SFXN5: variants seen among roughly 807,000 people sequenced by gnomAD.
SFXN5 encodes sideroflexin-5.
SFXN5 carries 43 observed loss-of-function variants against 50.2 expected under a neutral mutation model. The observed-to-expected ratio is 0.86, with a 90% confidence interval of 0.67 to 1.11. The LOEUF (loss-of-function observed/expected upper bound fraction) is 1.11. Among genes scored for constraint, SFXN5 ranks in the 50% least tolerant of loss-of-function variants. The pLI, the probability that SFXN5 is intolerant of heterozygous loss-of-function variation, is 0.00. For missense variants in SFXN5, 463 were observed against 454.1 expected, an observed-to-expected ratio of 1.02 and a Z score of -0.18; for synonymous variants, 203 against 185.8, an observed-to-expected ratio of 1.09 and a Z score of -0.75.
intron 12 of SFXN5, among the ~76,000 whole-genome samples, chr2:72,964,380 G>A (rs1338293365): frequency 6.6e-6 from 1 of 152,236 alleles, no homozygotes; most frequent in Non-Finnish European, 1.5e-5. Context: ...TATAGGGTGC[G>A]TGGCACGGAC....
rs777212902 is a variant in SFXN5, at chr2:72,992,595, C to T, written c.535-4247G>A. Among the ~76,000 whole-genome samples, 5 of 152,238 alleles carry T rather than the reference C, an allele frequency of 3.3e-5. No individual in the cohort carries two copies. Among genetic ancestry groups the T allele is most frequent in the Non-Finnish European group, 5.9e-5 (4 of 68,050 alleles). Reference sequence around the variant, plus strand: ...GCTTCTCATGCCAGAGACCTCACAGCGTTCTGGGCAGGAGCCTCCTGGGGC... The same window carrying T: ...GCTTCTCATGCCAGAGACCTCACAGTGTTCTGGGCAGGAGCCTCCTGGGGC... On this transcript the variant is annotated intron_variant, in intron 9 of 13. Coordinates refer to ENST00000272433, the MANE Select transcript of SFXN5 (RefSeq NM_144579.3). The surrounding 1 kb of genome is among the most constrained non-coding windows in gnomAD (Gnocchi z 4.5).
intron 6 of SFXN5, among the ~76,000 whole-genome samples, chr2:73,002,780 C>A (rs1192532483): frequency 1.3e-5 from 2 of 152,106 alleles, no homozygotes; most frequent in Non-Finnish European, 2.9e-5. Flanking sequence ...TGAGATTTTT[C>A]CCCCAGAATG....
chr2:73,027,161 G>A (rs1034646059), intron 3 of SFXN5, among the ~76,000 whole-genome samples: 5 of 152,284 alleles, frequency 3.3e-5, no homozygotes, highest in East Asian at 1.9e-4. Context: ...TGACAGTCCC[G>A]GCGTGTTACT....
chr2:73,061,776 A>C (rs1682825253), intron 1 of SFXN5, among the ~76,000 whole-genome samples: 1 of 152,184 alleles, frequency 6.6e-6, no homozygotes, highest in East Asian at 1.9e-4. Flanking sequence ...AATCAATATT[A>C]TACCTAATAT....
Position 72,960,349 on chromosome 2 carries a change from T to G in SFXN5, c.945+782A>C, listed in dbSNP as rs1193654470. On this transcript the variant is annotated intron_variant, in intron 13 of 13. Coordinates refer to ENST00000272433, the MANE Select transcript of SFXN5 (RefSeq NM_144579.3). This position sits in a 1 kb window ranked among gnomAD's most constrained non-coding sequence, Gnocchi z 6.1. ...AGAAAGCCAGTGCACATCCTCTGGC[T>G]CCCGTTCCCTCCCACCACATACAGC... Among the ~76,000 whole-genome samples the G allele has an allele frequency of 6.6e-6, 1 of 152,070 alleles. No homozygotes were observed. Among genetic ancestry groups the G allele is most frequent in the Non-Finnish European group, 1.5e-5 (1 of 68,038 alleles).
At chr2:73,002,013 T>C (rs1200986831) in intron 6 of SFXN5, among the ~76,000 whole-genome samples, 1 of 152,230 alleles carries the variant, frequency 6.6e-6, no homozygotes, top group Non-Finnish European at 1.5e-5. Context: ...AATACCTTCG[T>C]TTCCACTCAG....
At chr2:72,981,965 TTGTGTGTGTG>T (rs10582006) in intron 10 of SFXN5, among the ~76,000 whole-genome samples, 1 of 145,608 alleles carries the variant, frequency 6.9e-6, no homozygotes, top group African/African-American at 2.5e-5. Context: ...CACTGGAACT[TTGTGTGTGTG>T]TGTGTGTGTG....
At chr2:72,964,572 C>T (rs1001792709) in intron 12 of SFXN5, among the ~76,000 whole-genome samples, 2 of 152,212 alleles carry the variant, frequency 1.3e-5, no homozygotes, top group African/African-American at 4.8e-5. Flanking sequence ...CCTACCAGAG[C>T]CTCAGCTCAC....
chr2:72,971,843 A>G (rs1670043200), intron 10 of SFXN5, among the ~76,000 whole-genome samples, 158 bp from the exon 11 acceptor site: 1 of 152,196 alleles, frequency 6.6e-6, no homozygotes, highest in Non-Finnish European at 1.5e-5. Context: ...CCATCTGCCT[A>G]TCAGCCTGGT....
At chr2:72,988,428 G>C (rs1672171561) in intron 9 of SFXN5, 80 bp from the exon 10 acceptor site, 1 of 1,216,658 alleles carries the variant, frequency 8.2e-7, no homozygotes, top group African/African-American at 1.5e-5. Context: ...AGAACTGGAG[G>C]AACATCAGAG....
At chr2:73,001,607 A>G in intron 6 of SFXN5, 29 bp from the exon 7 acceptor site, 1 of 1,612,338 alleles carries the variant, frequency 6.2e-7, no homozygotes, top group Non-Finnish European at 8.5e-7. Context: ...AAATGCTGAA[A>G]AAGGCAGAAG....
chr2:72,945,996 C>T lies in SFXN5; in HGVS notation c.946-897G>A, dbSNP rs1037171048. Among the ~76,000 whole-genome samples the T allele has an allele frequency of 7.9e-5, 12 of 152,132 alleles. No homozygotes were observed. The highest frequency in any genetic ancestry group is 1.9e-4 in the African/African-American group (8 of 41,502). On this transcript the variant is annotated intron_variant, in intron 13 of 13. Coordinates refer to ENST00000272433, the MANE Select transcript of SFXN5 (RefSeq NM_144579.3). The surrounding 1 kb of genome is among the most constrained non-coding windows in gnomAD (Gnocchi z 5.8). Reference sequence around the variant, plus strand: ...GGGAAAAAGCTGAAGGTGTCAGAGGCGAAACCCTCAGCTTCCCATCATCAA... The same window carrying T: ...GGGAAAAAGCTGAAGGTGTCAGAGGTGAAACCCTCAGCTTCCCATCATCAA...
chr2:72,974,035 C>A (rs1163684447), intron 10 of SFXN5, among the ~76,000 whole-genome samples: 1 of 152,232 alleles, frequency 6.6e-6, no homozygotes, highest in Non-Finnish European at 1.5e-5. Context: ...CCAGCTCACT[C>A]TGGGGACTTG....
intron 3 of SFXN5, among the ~76,000 whole-genome samples, chr2:73,037,933 G>A (rs1029605187): frequency 4.6e-5 from 7 of 152,198 alleles, no homozygotes; most frequent in Non-Finnish European, 5.9e-5. Context: ...CCTGGAACTC[G>A]GAGGTAGGCC....
intron 6 of SFXN5, among the ~76,000 whole-genome samples, chr2:73,002,520 CTTAT>C (rs1042306476): frequency 1.2e-4 from 18 of 152,312 alleles, no homozygotes; most frequent in South Asian, 2.1e-4. Context: ...CACATATTGA[CTTAT>C]TTATTATTCC....
rs572019708 is a variant in SFXN5 at position 73,003,537 on chromosome 2, A to T, written c.358-1959T>A. Among the ~76,000 whole-genome samples, 348 of 152,258 alleles carry T rather than the reference A, an allele frequency of 2.3e-3. 1 individual carries two copies. The highest frequency in any genetic ancestry group is 7.9e-3 in the African/African-American group (330 of 41,538). ...AATAACTGGTGTGCATGTGCCTTGC[A>T]GACACTGAGCCATTCAACTGAGTCT... On this transcript the variant is annotated intron_variant, in intron 6 of 13. Transcript: ENST00000272433.
chr2:72,975,410 C>A (rs556358394), intron 10 of SFXN5, among the ~76,000 whole-genome samples: 7 of 152,214 alleles, frequency 4.6e-5, no homozygotes, highest in Admixed American at 3.3e-4. Flanking sequence ...ACTCACCCAT[C>A]TGTCAGGGAA....
In SFXN5 at chr2:73,027,670, T is replaced by A. The variant is rs566593038; in HGVS notation, c.250-4456A>T. ...GTGTATCATTTTTTATCTTTTTTTT[T>A]TCTTTTTTTAGACAGGGCTTGCTCT... On this transcript the variant is annotated intron_variant, in intron 3 of 13. Coordinates refer to ENST00000272433, the MANE Select transcript of SFXN5 (RefSeq NM_144579.3). 6.7e-4 allele frequency among the ~76,000 whole-genome samples: 102 copies of A among 152,280 alleles called. 2 individuals carry two copies. The highest frequency in any genetic ancestry group is 3.4e-3 in the Middle Eastern group (1 of 294).
rs755801134 is a variant in SFXN5, at chr2:72,944,181, C to G, written c.*841G>C. 2.0e-5 allele frequency: 3 copies of G among 152,186 alleles called. No individual in the cohort carries two copies. The highest frequency in any genetic ancestry group is 2.0e-4 in the Admixed American group (3 of 15,284). The allele number at this position is 152,186 out of a possible 1,614,324, so 9.4% of individuals were successfully genotyped here. A position where few individuals can be genotyped will look rare whatever the true frequency, so the allele number is the denominator to read the frequency against. On this transcript the variant is annotated 3_prime_UTR_variant, in exon 14 of 14. Coordinates refer to ENST00000272433, the MANE Select transcript of SFXN5 (RefSeq NM_144579.3). The stretch of plus-strand genomic sequence containing the variant: ...CTGGGGCCTGGAAGGAGGATCTTCC[C>G]GAAGAGGCCAAGTGCAGGTCCATGG...
Sources: allele counts gnomAD v4.1 joint callset (sites outside exome capture counted in the v4.1 genomes callset), GRCh38; gene constraint gnomAD v4.1.1; non-coding constraint Gnocchi (gnomAD v3.1); transcripts MANE v1.5; gene names NCBI Gene and HGNC (gene_info 2026-07-23, HGNC 2026-07-21).